PDE1A: variants seen among roughly 807,000 people sequenced by gnomAD.
PDE1A encodes the protein phosphodiesterase 1A.
Under a neutral mutation model 61.7 loss-of-function variants are expected in PDE1A, and 35 were observed. That is an observed-to-expected ratio of 0.57 (90% CI 0.43 to 0.75). PDE1A has a LOEUF of 0.75. Ranked by LOEUF, PDE1A falls within the 30% of genes least tolerant of loss-of-function variation. PDE1A has a pLI of 0.00. For missense variants in PDE1A, 597 were observed against 630.6 expected (o/e 0.95, Z 0.57); for synonymous variants, 232 against 213.2 (o/e 1.09, Z -0.77).
chr2:182,286,470 A>G (rs1278630007), intron 1 of PDE1A, among the ~76,000 whole-genome samples: 1 of 152,180 alleles, frequency 6.6e-6, no homozygotes, highest in Non-Finnish European at 1.5e-5. Flanking sequence ...TAAACACTGT[A>G]AGAGGTAAAA....
chr2:182,167,980 C>A, exon 14 of PDE1A: 1 of 1,199,952 alleles, frequency 8.3e-7, no homozygotes, highest in South Asian at 4.3e-5. Context: ...AGACAAATGC[C>A]ACAAAATGCC....
At chr2:182,270,597 TA>T (rs1323940582) in intron 1 of PDE1A, among the ~76,000 whole-genome samples, 1 of 151,056 alleles carries the variant, frequency 6.6e-6, no homozygotes, top group African/African-American at 2.4e-5. Context: ...AATTTATAAT[TA>T]TTATATAACT....
At chr2:182,270,699 G>A (rs1692954401) in intron 1 of PDE1A, among the ~76,000 whole-genome samples, 1 of 150,876 alleles carries the variant, frequency 6.6e-6, no homozygotes, top group Non-Finnish European at 1.5e-5. Context: ...AAGAGCTAAA[G>A]TTAAAAGAAA....
At chr2:182,570,186 C>G in the PDE1A span, among the ~76,000 whole-genome samples, 1 of 151,922 alleles carries the variant, frequency 6.6e-6, no homozygotes, top group Non-Finnish European at 1.5e-5. Flanking sequence ...AAATCTGGAG[C>G]AGGGAAAATA....
At chr2:182,227,300 AGT>A (rs1405492903) in intron 6 of PDE1A, among the ~76,000 whole-genome samples, 2 of 151,984 alleles carry the variant, frequency 1.3e-5, no homozygotes, top group Non-Finnish European at 2.9e-5. Context: ...AGGATGTGTG[AGT>A]GTGTGCCTGT....
intron 1 of PDE1A, among the ~76,000 whole-genome samples, chr2:182,391,264 C>T (rs1701405632): frequency 6.6e-6 from 1 of 151,968 alleles, no homozygotes; most frequent in Non-Finnish European, 1.5e-5. Context: ...TATGGGCCCT[C>T]CTTAGAAGGC....
chr2:182,670,799 TGA>T, the PDE1A span, among the ~76,000 whole-genome samples: 5 of 152,280 alleles, frequency 3.3e-5, no homozygotes, highest in South Asian at 1.0e-3. Flanking sequence ...TGGTAGAACC[TGA>T]GAGTCACTAT....
chr2:182,278,961 A>G (rs1693624233), intron 1 of PDE1A, among the ~76,000 whole-genome samples: 1 of 152,006 alleles, frequency 6.6e-6, no homozygotes. Context: ...CCAAGATTGA[A>G]GTTCATTTCT....
the PDE1A span, among the ~76,000 whole-genome samples, chr2:182,571,264 T>G: frequency 6.6e-6 from 1 of 152,140 alleles, no homozygotes; most frequent in Non-Finnish European, 1.5e-5. Context: ...TCTTTTAAAA[T>G]AGGGGTCATT....
intron 2 of PDE1A, among the ~76,000 whole-genome samples, chr2:182,439,220 T>C (rs1289469745): frequency 6.6e-6 from 1 of 151,916 alleles, no homozygotes; most frequent in Non-Finnish European, 1.5e-5. Context: ...TGCCAAAAGA[T>C]GGTTCAAGTG....
At chr2:182,541,049 T>C in the PDE1A span, among the ~76,000 whole-genome samples, 6 of 152,116 alleles carry the variant, frequency 3.9e-5, no homozygotes, top group African/African-American at 1.4e-4. Context: ...AAAGGAACGA[T>C]GGCTGATTGG....
chr2:182,414,748 A>G (rs1702816731), intron 1 of PDE1A, among the ~76,000 whole-genome samples: 1 of 152,134 alleles, frequency 6.6e-6, no homozygotes, highest in Non-Finnish European at 1.5e-5. Context: ...TGGATGAGTG[A>G]GCTAAATTCC....
chr2:182,527,705 C>T (rs1690798885), upstream of PDE1A, among the ~76,000 whole-genome samples: 1 of 151,996 alleles, frequency 6.6e-6, no homozygotes, highest in South Asian at 2.1e-4. Flanking sequence ...TGGCTGTGTT[C>T]CCATCCAAAT....
chr2:182,435,066 T>A (rs1704142463), intron 2 of PDE1A, among the ~76,000 whole-genome samples: 1 of 151,950 alleles, frequency 6.6e-6, no homozygotes, highest in Non-Finnish European at 1.5e-5. Flanking sequence ...TGGCTCCAAT[T>A]AGCACTCCCA....
chr2:182,680,883 T>C, the PDE1A span, among the ~76,000 whole-genome samples: 1 of 152,226 alleles, frequency 6.6e-6, no homozygotes, highest in Non-Finnish European at 1.5e-5. Context: ...AGCTCAGGGA[T>C]ACTTCTGCAC....
intron 13 of PDE1A, among the ~76,000 whole-genome samples, chr2:182,159,976 AG>A (rs753252787): frequency 5.8e-4 from 89 of 152,298 alleles, no homozygotes; most frequent in African/African-American, 2.1e-3. Flanking sequence ...GAATTATTGT[AG>A]AAAATGCCAA....
chr2:182,152,899 T>C (rs1690869855), intron 13 of PDE1A, among the ~76,000 whole-genome samples: 1 of 152,178 alleles, frequency 6.6e-6, no homozygotes, highest in African/African-American at 2.4e-5. Context: ...GCTCCAACCC[T>C]GTAAAATTAG....
intron 2 of PDE1A, among the ~76,000 whole-genome samples, chr2:182,505,247 T>C (rs571761963): frequency 8.4e-4 from 128 of 152,368 alleles, no homozygotes; most frequent in African/African-American, 3.0e-3. Context: ...TCCTGGTATA[T>C]GTGTGGTGGA....
chr2:182,356,377 C>T (rs185880981), intron 1 of PDE1A, among the ~76,000 whole-genome samples: 7 of 152,088 alleles, frequency 4.6e-5, no homozygotes, highest in African/African-American at 1.4e-4. Context: ...AGTTTTAAAA[C>T]GTAAAATCGT....
Sources: gnomAD v4.1 joint callset for allele counts (sites outside exome capture counted in the v4.1 genomes callset) on GRCh38, gnomAD v4.1.1 for gene constraint, MANE v1.5 for transcripts, NCBI Gene and HGNC (gene_info 2026-07-23, HGNC 2026-07-21) for gene names.